The following PDE4DIP variants were observed in gnomAD, a reference collection of about 807,000 sequenced individuals.
PDE4DIP encodes the protein phosphodiesterase 4D interacting protein, also known as myomegalin.
A neutral mutation model predicts 221.4 loss-of-function variants in PDE4DIP; 59 were observed. That is an observed-to-expected ratio of 0.27 (90% confidence interval 0.22 to 0.33). The LOEUF (loss-of-function observed/expected upper bound fraction) is 0.33. PDE4DIP is among the 10% of genes least tolerant of loss of function. PDE4DIP has a pLI of 1.00. For missense variants in PDE4DIP, 1,036 were observed against 2,154.2 expected, an observed-to-expected ratio of 0.48 and a Z score of 10.28; for synonymous variants, 404 against 815.9, an observed-to-expected ratio of 0.50 and a Z score of 8.60.
chr1:148,950,453 A>T (rs2052883642), intron 5 of PDE4DIP, among the ~76,000 whole-genome samples: 1 of 152,308 alleles, frequency 6.6e-6, no homozygotes, highest in South Asian at 2.1e-4. Flanking sequence ...AAAATTCTAT[A>T]GCCTATGATA....
intron 3 of PDE4DIP, among the ~76,000 whole-genome samples, chr1:148,877,005 C>T (rs1316551738): frequency 6.9e-6 from 1 of 144,008 alleles, no homozygotes; most frequent in South Asian, 2.1e-4. Context: ...GAGCTAGACT[C>T]CGTCTCAAAA....
At chr1:148,838,555 C>T (rs1674162378) in intron 1 of PDE4DIP, among the ~76,000 whole-genome samples, 1 of 73,578 alleles carries the variant, frequency 1.4e-5, no homozygotes, top group Non-Finnish European at 3.1e-5. Flanking sequence ...GGCCATGCCA[C>T]CCTGAATGCA....
exon 44 of PDE4DIP, chr1:149,032,276 C>A (rs1055319): frequency 2.0e-5 from 12 of 599,626 alleles, no homozygotes; most frequent in Non-Finnish European, 3.3e-5. Flanking sequence ...GTTTTGTGAT[C>A]CTGCCTCTCA....
At chr1:149,026,326 CTTGATTCT>C (rs2075155444) in intron 38 of PDE4DIP, 1 of 157,410 alleles carries the variant, frequency 6.4e-6, no homozygotes, top group Non-Finnish European at 1.4e-5. Flanking sequence ...CCATTCATTC[CTTGATTCT>C]TTGATTCTAG....
chr1:149,026,351 A>T (rs1375422945), intron 38 of PDE4DIP: 2 of 168,196 alleles, frequency 1.2e-5, no homozygotes, highest in African/African-American at 4.8e-5. Context: ...CTAGATTTTA[A>T]TATGTACTAT....
chr1:148,988,316 A>G (rs1188983547), intron 21 of PDE4DIP, among the ~76,000 whole-genome samples: 1 of 137,940 alleles, frequency 7.2e-6, no homozygotes, highest in African/African-American at 2.8e-5. Flanking sequence ...GATGGTATTT[A>G]TTGAGTACAC....
At chr1:148,975,837 GT>G (rs1322649814) in intron 17 of PDE4DIP, among the ~76,000 whole-genome samples, 14 of 152,020 alleles carry the variant, frequency 9.2e-5, no homozygotes, top group African/African-American at 3.4e-4. Context: ...ATAGCTCTTA[GT>G]TTTTTTCTAC....
At chr1:148,996,652 C>A (rs1553564784) in intron 22 of PDE4DIP, among the ~76,000 whole-genome samples, 1 of 152,152 alleles carries the variant, frequency 6.6e-6, no homozygotes, top group South Asian at 2.1e-4. Context: ...TACTGTGAAT[C>A]GACCCTACCA....
intron 9 of PDE4DIP, among the ~76,000 whole-genome samples, chr1:148,964,174 A>G (rs587624121): frequency 6.7e-6 from 1 of 148,794 alleles, no homozygotes; most frequent in African/African-American, 2.5e-5. Context: ...CAACGACACA[A>G]TCTCGGCTCA....
intron 23 of PDE4DIP, among the ~76,000 whole-genome samples, chr1:148,999,490 C>A (rs1194796735): frequency 1.3e-5 from 2 of 152,238 alleles, no homozygotes; most frequent in African/African-American, 2.4e-5. Context: ...TGCATAATAT[C>A]TGTGGCTCCC....
At chr1:149,005,967 T>C (rs1192503850) in intron 27 of PDE4DIP, among the ~76,000 whole-genome samples, 2 of 152,158 alleles carry the variant, frequency 1.3e-5, no homozygotes, top group East Asian at 1.9e-4. Context: ...ACCCCATCTC[T>C]ACTAAAAATA....
At chr1:148,969,084 C>T (rs1479416378) in intron 14 of PDE4DIP, 54 bp downstream of exon 17, 1 of 1,387,458 alleles carries the variant, frequency 7.2e-7, no homozygotes, top group Non-Finnish European at 1.0e-6. Flanking sequence ...TTATAGTCTG[C>T]AAATAGGAAG....
chr1:148,984,277 A>G (rs1295769500), intron 21 of PDE4DIP: 2 of 152,022 alleles, frequency 1.3e-5, no homozygotes, highest in Non-Finnish European at 2.9e-5. Flanking sequence ...TCTTCTCTTC[A>G]TTCAGTTGTG....
chr1:149,019,678 A>G (rs2071999868), intron 35 of PDE4DIP: 1 of 152,996 alleles, frequency 6.5e-6, no homozygotes, highest in Admixed American at 6.5e-5. Context: ...CTTTCCCCAG[A>G]GGACTTACTG....
intron 43 of PDE4DIP, 195 bp downstream of exon 46, chr1:149,030,473 T>C: frequency 1.0e-6 from 1 of 974,938 alleles, no homozygotes; most frequent in Non-Finnish European, 1.2e-6. Context: ...CCCCGTCAGC[T>C]CCTGCCCCTG....
At chr1:148,927,582 GGTGGTTATTA>G (rs1281026291) in intron 1 of PDE4DIP, among the ~76,000 whole-genome samples, 3 of 151,862 alleles carry the variant, frequency 2.0e-5, no homozygotes, top group Admixed American at 2.0e-4. Context: ...TCTAGGTGTT[GGTGGTTATTA>G]TATGGCGATA....
At chr1:148,907,277 C>T (rs1478406538) in intron 1 of PDE4DIP, among the ~76,000 whole-genome samples, 4 of 135,042 alleles carry the variant, frequency 3.0e-5, no homozygotes, top group South Asian at 2.6e-4. Context: ...TGGCGCATTT[C>T]GGCCATTTAC....
rs1177789772 is a variant in PDE4DIP at position 148,923,516 on chromosome 1, C to G, written c.142-5681C>G. Among the ~76,000 whole-genome samples the G allele has an allele frequency of 1.6e-4, 23 of 146,092 alleles. No individual in the cohort carries two copies. In the South Asian group the frequency reaches 3.1e-3, roughly 20 times the overall value. ...TGAGACGGAGTCTTACTCTGTCGCCCAGGCTGGAGTGCAGTGGCGCGATCT... is the reference window on the plus strand; with the variant it reads ...TGAGACGGAGTCTTACTCTGTCGCCGAGGCTGGAGTGCAGTGGCGCGATCT... On this transcript the variant is annotated intron_variant, in intron 1 of 43. Coordinates refer to ENST00000369354, the Ensembl canonical transcript of PDE4DIP.
chr1:148,960,213 G>A (rs2056566528), intron 5 of PDE4DIP, among the ~76,000 whole-genome samples: 1 of 152,276 alleles, frequency 6.6e-6, no homozygotes, highest in South Asian at 2.1e-4. Context: ...TTCCAATAAT[G>A]TGAAACAAGC....
Sources: gnomAD v4.1 joint callset for allele counts (sites outside exome capture counted in the v4.1 genomes callset) on GRCh38, gnomAD v4.1.1 for gene constraint, MANE v1.5 for transcripts, NCBI Gene and HGNC (gene_info 2026-07-23, HGNC 2026-07-21) for gene names.